Variants in CX3CR1 observed in about 807,000 individuals in gnomAD.
CX3CR1 encodes C-X3-C motif chemokine receptor 1.
For missense variants in CX3CR1, 363 were observed against 432.4 expected (o/e 0.84, Z 1.42); for synonymous variants, 168 against 178.5 (o/e 0.94, Z 0.47).
Position 39,265,792 on chromosome 3 carries a change from A to G in CX3CR1, c.718T>C (p.Phe240Leu). 2.5e-6 allele frequency: 4 copies of G among 1,614,170 alleles called. No individual in the cohort carries two copies. The highest frequency in any genetic ancestry group is 3.4e-6 in the Non-Finnish European group (4 of 1,180,026). The change falls in exon 2 of 2, where the codon TTT (phenylalanine) becomes CTT (leucine). Residue 240 changes from phenylalanine (F) to leucine (L), a missense_variant. Coordinates refer to ENST00000399220, the MANE Select transcript of CX3CR1 (RefSeq NM_001337.4). ...TTGTAGGGTGTCCAGAAGAGGAAAAACACGATGACCACCAGAAGGATCAGT... is the reference window on the plus strand; with the variant it reads ...TTGTAGGGTGTCCAGAAGAGGAAAAGCACGATGACCACCAGAAGGATCAGT... ...IKLILLVVIVFFLFWTPYNVM... is the reference protein window; with the variant it reads ...IKLILLVVIVLFLFWTPYNVM...
chr3:39,283,802 TATATATATATA>T (rs1559371971), upstream of CX3CR1, among the ~76,000 whole-genome samples: 188 of 35,878 alleles, frequency 5.2e-3, 3 homozygotes, highest in African/African-American at 0.023. Context: ...AAATTATATA[TATATATATATA>T]TATATATATA....
At chr3:39,275,141 T>C (rs939849661) in intron 1 of CX3CR1, among the ~76,000 whole-genome samples, 7 of 152,216 alleles carry the variant, frequency 4.6e-5, no homozygotes, top group Non-Finnish European at 8.8e-5. Flanking sequence ...GGAATACAGG[T>C]GTGAGCCACC....
At chr3:39,270,047 C>G (rs139856962) in intron 1 of CX3CR1, among the ~76,000 whole-genome samples, 7 of 152,386 alleles carry the variant, frequency 4.6e-5, no homozygotes, top group African/African-American at 1.7e-4. Flanking sequence ...CAGCTAGAAG[C>G]AGGGGGAGCA....
chr3:39,280,894 G>C (rs2040889491), upstream of CX3CR1: 1 of 164,408 alleles, frequency 6.1e-6, no homozygotes, highest in African/African-American at 2.4e-5. Context: ...CCTGACCCCT[G>C]GCATATGCTA....
At chr3:39,272,567 T>A (rs1001634367) in intron 1 of CX3CR1, among the ~76,000 whole-genome samples, 1 of 152,234 alleles carries the variant, frequency 6.6e-6, no homozygotes, top group East Asian at 1.9e-4. Flanking sequence ...CATTCTTTTA[T>A]GTTGCTTTCT....
At chr3:39,278,201 C>T (rs564424517) in intron 1 of CX3CR1, among the ~76,000 whole-genome samples, 137 of 152,292 alleles carry the variant, frequency 9.0e-4, no homozygotes, top group Non-Finnish European at 1.5e-3. Flanking sequence ...TGGCACGTGG[C>T]TGATGGATAG....
In CX3CR1 at chr3:39,266,224, C is replaced by T. The variant is rs1389011702; in HGVS notation, c.286G>A (p.Gly96Ser). 1.2e-6 allele frequency: 2 copies of T among 1,614,114 alleles called. No homozygotes were observed. The highest frequency in any genetic ancestry group is 1.7e-6 in the Non-Finnish European group (2 of 1,180,028). ...AATTTGCACATGGCATTGTGGAGGC[C>T]CTTTTCATTTATCAAATAGTGAGTC... ...FWTHYLINEK[G>S]LHNAMCKFTT... is the part of the protein sequence containing the mutation. The change falls in exon 2 of 2, where the codon GGC becomes AGC. Residue 96 changes from glycine to serine, a missense_variant. Physicochemically the swap from Gly to Ser is moderately conservative, Grantham distance 56. Coordinates refer to ENST00000399220, the MANE Select transcript of CX3CR1 (RefSeq NM_001337.4).
chr3:39,290,346 G>T, the CX3CR1 span, among the ~76,000 whole-genome samples: 8 of 147,122 alleles, frequency 5.4e-5, no homozygotes, highest in Non-Finnish European at 1.2e-4. Context: ...ATCAGAGGTG[G>T]GGATGTTTAG....
At chr3:39,283,767 G>A (rs181431504), upstream of CX3CR1, among the ~76,000 whole-genome samples, 1,841 of 118,494 alleles carry the variant, frequency 0.016, 57 homozygotes, top group African/African-American at 0.054. Context: ...GCGAAAGAGC[G>A]AGACTCCATC....
chr3:39,289,718 G>A, the CX3CR1 span, among the ~76,000 whole-genome samples: 1 of 152,134 alleles, frequency 6.6e-6, no homozygotes, highest in Non-Finnish European at 1.5e-5. Context: ...TTGGGGATGA[G>A]GCCTCTAAGG....
upstream of CX3CR1, among the ~76,000 whole-genome samples, chr3:39,284,682 T>A (rs1016994992): frequency 2.0e-5 from 3 of 152,252 alleles, no homozygotes; most frequent in Non-Finnish European, 4.4e-5. Flanking sequence ...TATCTCTTTT[T>A]TACTTTCACT....
upstream of CX3CR1, chr3:39,280,494 A>G: frequency 2.0e-6 from 2 of 977,928 alleles, no homozygotes; most frequent in Non-Finnish European, 2.4e-6. Context: ...CCTGCCCTAT[A>G]TCTGCTGAAT....
upstream of CX3CR1, chr3:39,280,175 C>G: frequency 1.0e-6 from 1 of 983,970 alleles, no homozygotes; most frequent in Non-Finnish European, 1.2e-6. Context: ...AACAGGAGGG[C>G]CTGACTTTAT....
chr3:39,289,788 C>T, the CX3CR1 span, among the ~76,000 whole-genome samples: 3,633 of 152,034 alleles, frequency 0.024, 52 homozygotes, highest in East Asian at 0.039. Context: ...GGACTGGTGT[C>T]CTTATCAGAA....
intron 1 of CX3CR1, among the ~76,000 whole-genome samples, chr3:39,268,649 T>C (rs2040734048): frequency 1.3e-5 from 2 of 152,222 alleles, no homozygotes; most frequent in Non-Finnish European, 2.9e-5. Context: ...CATCTCTTTA[T>C]GTGCCTGTGG....
upstream of CX3CR1, among the ~76,000 whole-genome samples, chr3:39,285,718 T>C (rs1433492754): frequency 6.6e-6 from 1 of 152,244 alleles, no homozygotes; most frequent in Non-Finnish European, 1.5e-5. Flanking sequence ...TCACCAAATA[T>C]GGCATGTGTT....
chr3:39,286,627 CG>C (rs2040945213), upstream of CX3CR1: 1 of 132,346 alleles, frequency 7.6e-6, no homozygotes, highest in South Asian at 2.6e-4. Flanking sequence ...GTCCGCAGTC[CG>C]GCCTGGGCGA....
At chr3:39,281,735 C>G (rs2040901989), upstream of CX3CR1, 2 of 1,462,992 alleles carry the variant, frequency 1.4e-6, no homozygotes. Flanking sequence ...CGGCCCGCCC[C>G]TTCTCACTTC....
At chr3:39,281,753 G>T (rs977079357), upstream of CX3CR1, 104 of 1,311,590 alleles carry the variant, frequency 7.9e-5, 1 homozygote, top group South Asian at 1.1e-3. Flanking sequence ...TTCCTACTGT[G>T]CTCTCACCAC....
Sources: gnomAD v4.1 joint callset for allele counts (sites outside exome capture counted in the v4.1 genomes callset) on GRCh38, gnomAD v4.1.1 for gene constraint, MANE v1.5 for transcripts, NCBI Gene and HGNC (gene_info 2026-07-23, HGNC 2026-07-21) for gene names.